The following PLRG1 variants were observed in gnomAD, a reference collection of about 807,000 sequenced individuals.
PLRG1 encodes the protein pleiotropic regulator 1.
Under a neutral mutation model 74.9 loss-of-function variants are expected in PLRG1, and 28 were observed. The ratio of observed to expected loss-of-function variants is 0.37; its 90% CI spans 0.28 to 0.51. The LOEUF (loss-of-function observed/expected upper bound fraction) is 0.51, where lower values mean the gene tolerates loss of function less well. Ranked by LOEUF, PLRG1 falls within the 20% of genes least tolerant of loss-of-function variation. The pLI, the probability that PLRG1 is intolerant of heterozygous loss-of-function variation, is 0.91. For missense variants in PLRG1, 445 were observed against 631.9 expected, an observed-to-expected ratio of 0.70 and a Z score of 3.17; for synonymous variants, 197 against 212.4, an observed-to-expected ratio of 0.93 and a Z score of 0.63.
At chr4:154,540,572 T>C (rs780691106) in intron 10 of PLRG1, 22 bp downstream of exon 10, 3 of 1,487,846 alleles carry the variant, frequency 2.0e-6, no homozygotes, top group Non-Finnish European at 2.8e-6. Context: ...TACAGATAAA[T>C]ACACAACTCT....
chr4:154,540,368 T>C, intron 10 of PLRG1: 1 of 585,554 alleles, frequency 1.7e-6, no homozygotes, highest in South Asian at 2.2e-5. Context: ...CGTGAGAATA[T>C]CACATTTCAG....
chr4:154,541,894 T>C (rs1729561406), intron 8 of PLRG1: 1 of 332,620 alleles, frequency 3.0e-6, no homozygotes, highest in Admixed American at 4.1e-5. Flanking sequence ...ATTTTCCACA[T>C]TTTCTATGAA....
Position 154,548,909 on chromosome 4 carries a change from G to A in PLRG1, c.36C>T (p.Thr12=), listed in dbSNP as rs772398370. 3.7e-6 allele frequency: 6 copies of A among 1,603,588 alleles called. No individual in the cohort carries two copies. Among genetic ancestry groups the A allele is most frequent in the Admixed American group, 3.3e-5 (2 of 59,960 alleles). Residue 12 remains threonine (T), a synonymous_variant, in exon 2 of 15, where the codon ACC becomes ACT. Transcript: ENST00000499023. ...VEEVQKHSVH[T]LVFRSLKRTH... ...TCCTCTTCAACGACCTGAACACAAGGGTGTGTACAGAATGTTTCTGTACCT... is the reference window on the plus strand; with the variant it reads ...TCCTCTTCAACGACCTGAACACAAGAGTGTGTACAGAATGTTTCTGTACCT...
chr4:154,544,875 C>T (rs908891940), intron 6 of PLRG1, among the ~76,000 whole-genome samples: 1 of 152,116 alleles, frequency 6.6e-6, no homozygotes, highest in Non-Finnish European at 1.5e-5. Flanking sequence ...AGGGTTACTA[C>T]AAAGATTTAA....
chr4:154,549,818 G>A, intron 1 of PLRG1: 1 of 456,354 alleles, frequency 2.2e-6, no homozygotes, highest in Non-Finnish European at 4.4e-6. Flanking sequence ...TAAACATGTG[G>A]GGTAAGATGG....
At chr4:154,547,181 C>G (rs1393940407) in intron 3 of PLRG1, 117 bp from the exon 4 acceptor site, 3 of 786,674 alleles carry the variant, frequency 3.8e-6, no homozygotes, top group Non-Finnish European at 6.6e-6. Flanking sequence ...ATTTTCTCAA[C>G]TAAAGTCAAG....
rs374720480 is a variant in PLRG1 at position 154,547,052 on chromosome 4, T to G, written c.272A>C (p.Glu91Ala). The change falls in exon 4 of 15, where the codon GAA (glutamate) becomes GCA (alanine). Residue 91 changes from glutamate (E) to alanine (A), a missense_variant. Glu to Ala is a moderately radical substitution (Grantham distance 107). Transcript: ENST00000499023. Reference sequence around the variant, plus strand: ...TGGATGTGTACCTGCCACAAAGTATTCAACTTCTTGTCCTAAAAAAACACA... The same window carrying G: ...TGGATGTGTACCTGCCACAAAGTATGCAACTTCTTGTCCTAAAAAAACACA... ...QYPANQGQEVEYFVAGTHPYP... is the reference protein window; with the variant it reads ...QYPANQGQEVAYFVAGTHPYP... The G allele has an allele frequency of 2.5e-6, 4 of 1,612,074 alleles. No individual in the cohort carries two copies. In the African/African-American group the frequency reaches 5.3e-5, roughly 22 times the overall value.
chr4:154,538,662 T>G (rs554128994), intron 12 of PLRG1, among the ~76,000 whole-genome samples: 1 of 152,144 alleles, frequency 6.6e-6, no homozygotes, highest in South Asian at 2.1e-4. Context: ...AAACAATAGT[T>G]GTGATATTAT....
intron 3 of PLRG1, 91 bp downstream of exon 3, chr4:154,547,620 T>A: frequency 8.5e-7 from 1 of 1,170,264 alleles, no homozygotes; most frequent in South Asian, 1.3e-5. Context: ...CCACAATAAG[T>A]CCTGCCAGGA....
chr4:154,545,999 T>G, intron 5 of PLRG1, 76 bp from the exon 6 acceptor site: 1 of 1,128,082 alleles, frequency 8.9e-7, no homozygotes. Context: ...ACCCTTTATT[T>G]TAAATTGTTA....
intron 2 of PLRG1, 22 bp downstream of exon 2, chr4:154,548,807 G>T: frequency 5.5e-6 from 6 of 1,095,904 alleles, no homozygotes; most frequent in East Asian, 5.4e-5. Flanking sequence ...TTTAGCAATT[G>T]AAAAAAAAAA....
chr4:154,539,027 G>T, intron 12 of PLRG1, 78 bp downstream of exon 12: 1 of 862,154 alleles, frequency 1.2e-6, no homozygotes, highest in East Asian at 2.4e-5. Flanking sequence ...GCCAAAAGCA[G>T]TGCTAACACC....
At chr4:154,541,454 C>A (rs1424035983) in intron 8 of PLRG1, among the ~76,000 whole-genome samples, 2 of 152,132 alleles carry the variant, frequency 1.3e-5, no homozygotes, top group East Asian at 3.8e-4. Context: ...TGGGTATCAG[C>A]TTCAAAAATA....
rs1168145897 is a variant in PLRG1, at chr4:154,540,412, C to T, written c.939+182G>A. Reference sequence around the variant, plus strand: ...CACTAATAACACTAACATGGTGAGGCCATACAACTGAAGACTAAGGTGGAA... The same window carrying T: ...CACTAATAACACTAACATGGTGAGGTCATACAACTGAAGACTAAGGTGGAA... On this transcript the variant is annotated intron_variant, in intron 10 of 14. Coordinates refer to ENST00000499023, the MANE Select transcript of PLRG1 (RefSeq NM_002669.4). 3 of 603,256 alleles carry T rather than the reference C, an allele frequency of 5.0e-6. No individual in the cohort carries two copies. The South Asian group carries it at 6.2e-5, about 12-fold the overall frequency. The allele number at this position is 603,256 out of a possible 1,614,324, so 37.4% of individuals were successfully genotyped here. A position where few individuals can be genotyped will look rare whatever the true frequency, so the allele number is the denominator to read the frequency against.
Position 154,545,836 on chromosome 4 carries a change from T to C in PLRG1, c.492A>G (p.Ser164=), listed in dbSNP as rs1017517940. The C allele has an allele frequency of 2.5e-6, 4 of 1,586,412 alleles. No homozygotes were observed. The Admixed American group carries it at 5.2e-5, about 21-fold the overall frequency. The change falls in exon 6 of 15, where the codon TCA becomes TCG. Residue 164 remains serine (S), a splice_region_variant and synonymous_variant. Coordinates refer to ENST00000499023, the MANE Select transcript of PLRG1 (RefSeq NM_002669.4). ...TGCTATTTGATGCAGAAAAACTTACTGAATTCATCGCTGTAGGCTGTGGAC... is the reference window on the plus strand; with the variant it reads ...TGCTATTTGATGCAGAAAAACTTACCGAATTCATCGCTGTAGGCTGTGGAC... ...SDRPQPTAMN[S]IVMETGNTKN...
intron 12 of PLRG1, 52 bp downstream of exon 12, chr4:154,539,052 AT>A: frequency 9.6e-7 from 1 of 1,045,368 alleles, no homozygotes. Context: ...GCATTTCAGC[AT>A]TATCTTAAGA....
At position 154,540,057 on chromosome 4, in the gene PLRG1, T is replaced by TA. The variant is rs1729527367; in HGVS notation, c.940-5dup. 1 of 1,419,114 alleles carries TA rather than the reference T, an allele frequency of 7.0e-7. No individual in the cohort carries two copies. The highest frequency in any genetic ancestry group is 1.0e-6 in the Non-Finnish European group (1 of 1,002,284). The allele number at this position is 1,419,114 out of a possible 1,614,324, so 87.9% of individuals were successfully genotyped here. A position where few individuals can be genotyped will look rare whatever the true frequency, so the allele number is the denominator to read the frequency against. On this transcript the variant is annotated splice_region_variant and splice_polypyrimidine_tract_variant and intron_variant, in intron 10 of 14. Coordinates refer to ENST00000499023, the MANE Select transcript of PLRG1 (RefSeq NM_002669.4). ...CTTTAGTTCTCACATCCCAAATCTATAAAAACACAATAGACATATTAGGAA... is the reference window on the plus strand; with the variant it reads ...CTTTAGTTCTCACATCCCAAATCTATAAAAAACACAATAGACATATTAGGAA...
chr4:154,537,929 T>A, intron 13 of PLRG1, 40 bp downstream of exon 13: 1 of 1,174,988 alleles, frequency 8.5e-7, no homozygotes, highest in Non-Finnish European at 1.2e-6. Context: ...AAAGAAAAAA[T>A]AACAGACTAA....
Position 154,536,481 on chromosome 4 carries a change from A to T in PLRG1, c.*204T>A. 1 of 520,228 alleles carries T rather than the reference A, an allele frequency of 1.9e-6. No individual in the cohort carries two copies. Among genetic ancestry groups the T allele is most frequent in the Non-Finnish European group, 3.4e-6 (1 of 297,006 alleles). 32.2% of individuals were successfully genotyped at this position (520,228 alleles called of 1,614,324 possible). On this transcript the variant is annotated 3_prime_UTR_variant, in exon 15 of 15. Coordinates refer to ENST00000499023, the MANE Select transcript of PLRG1 (RefSeq NM_002669.4). The stretch of plus-strand genomic sequence containing the variant: ...GATATCTGCATCTTCCTAGTATCAC[A>T]AATTGTTTTAGAAATAAAAACACAG...
Sources: gnomAD v4.1 joint callset for allele counts (sites outside exome capture counted in the v4.1 genomes callset) on GRCh38, gnomAD v4.1.1 for gene constraint, MANE v1.5 for transcripts, NCBI Gene and HGNC (gene_info 2026-07-23, HGNC 2026-07-21) for gene names.